Variants in ANO2 observed in about 807,000 individuals in gnomAD.
ANO2 encodes the protein anoctamin 2.
In ANO2, 101 loss-of-function variants were observed where a neutral mutation model predicts 124.2. The observed-to-expected ratio is 0.81, with a 90% CI of 0.69 to 0.96. ANO2 has a LOEUF of 0.96. Ranked by LOEUF, ANO2 falls within the 40% of genes least tolerant of loss-of-function variation. ANO2 has a pLI of 0.00. For synonymous variants in ANO2, 486 were observed against 482.5 expected (o/e 1.01, Z -0.09); for missense variants, 1,293 against 1,274.5 (o/e 1.01, Z -0.22).
intron 1 of ANO2, among the ~76,000 whole-genome samples, chr12:5,931,363 C>T (rs1221511328): frequency 1.3e-5 from 2 of 152,152 alleles, no homozygotes; most frequent in Non-Finnish European, 2.9e-5. Context: ...TTTCACATCT[C>T]TGTTCATTCA....
chr12:5,752,127 A>G (rs1253475924), intron 10 of ANO2, among the ~76,000 whole-genome samples: 1 of 152,208 alleles, frequency 6.6e-6, no homozygotes, highest in African/African-American at 2.4e-5. Flanking sequence ...CTGTCAATGG[A>G]TGCTTGGGTG....
chr12:5,857,772 TGATAGATAGATA>T (rs59071869), intron 3 of ANO2, among the ~76,000 whole-genome samples: 3,557 of 148,398 alleles, frequency 0.024, 136 homozygotes, highest in African/African-American at 0.077. Flanking sequence ...AAAAGAAATG[TGATAGATAGATA>T]GATAGATAGA....
intron 7 of ANO2, among the ~76,000 whole-genome samples, chr12:5,823,036 C>G (rs1282668630): frequency 6.6e-5 from 10 of 152,144 alleles, no homozygotes; most frequent in Admixed American, 6.5e-4. Flanking sequence ...AATTACCCAC[C>G]CTGTGTCCCT....
chr12:5,733,546 G>A (rs1950732919), intron 13 of ANO2, among the ~76,000 whole-genome samples: 1 of 152,192 alleles, frequency 6.6e-6, no homozygotes, highest in African/African-American at 2.4e-5. Flanking sequence ...CTCACAATGG[G>A]CTCTGCCATT....
At chr12:5,858,378 C>G (rs949882997) in intron 3 of ANO2, among the ~76,000 whole-genome samples, 1 of 151,930 alleles carries the variant, frequency 6.6e-6, no homozygotes, top group African/African-American at 2.4e-5. Flanking sequence ...CTGAAAACAA[C>G]CAAAATTAAT....
At chr12:5,846,557 T>A (rs2137241920) in intron 4 of ANO2, among the ~76,000 whole-genome samples, 1 of 152,286 alleles carries the variant, frequency 6.6e-6, no homozygotes, top group East Asian at 1.9e-4. Flanking sequence ...TATCACAACA[T>A]AAATTTATTC....
At chr12:5,763,346 G>A (rs770306586) in intron 10 of ANO2, among the ~76,000 whole-genome samples, 4 of 151,888 alleles carry the variant, frequency 2.6e-5, no homozygotes, top group Non-Finnish European at 2.9e-5. Flanking sequence ...ATATGTCTTC[G>A]CATAATGCTA....
intron 23 of ANO2, among the ~76,000 whole-genome samples, chr12:5,571,743 C>T (rs979954658): frequency 1.3e-4 from 20 of 151,898 alleles, no homozygotes; most frequent in East Asian, 5.8e-4. Context: ...TATATGTATA[C>T]GGAATTATCT....
chr12:5,568,522 C>T (rs1345391387), intron 23 of ANO2, among the ~76,000 whole-genome samples: 1 of 152,154 alleles, frequency 6.6e-6, no homozygotes, highest in Admixed American at 6.5e-5. Flanking sequence ...AGGTAAATGA[C>T]TCGTTGTTTA....
chr12:5,689,411 G>C (rs1948840311), intron 14 of ANO2, among the ~76,000 whole-genome samples: 1 of 152,110 alleles, frequency 6.6e-6, no homozygotes, highest in African/African-American at 2.4e-5. Flanking sequence ...TTTTATGGGA[G>C]GCATAAATTG....
chr12:5,739,614 C>CACACACACAA (rs1555153161), intron 12 of ANO2, among the ~76,000 whole-genome samples: 22 of 151,854 alleles, frequency 1.4e-4, no homozygotes, highest in Admixed American at 1.2e-3. Context: ...CACACACACA[C>CACACACACAA]ACACACACAC....
chr12:5,945,147 C>T (rs1444339186), intron 1 of ANO2, 49 bp downstream of exon 1: 1 of 1,283,810 alleles, frequency 7.8e-7, no homozygotes, highest in Non-Finnish European at 1.0e-6. Context: ...CACTCCCTCC[C>T]TCCTACCACC....
intron 10 of ANO2, among the ~76,000 whole-genome samples, chr12:5,758,741 A>G (rs1157946742): frequency 6.6e-6 from 1 of 152,190 alleles, no homozygotes; most frequent in East Asian, 1.9e-4. Flanking sequence ...TCTCCTCACT[A>G]CTGACCTGAT....
intron 10 of ANO2, among the ~76,000 whole-genome samples, chr12:5,785,515 C>A (rs759262714): frequency 7.9e-5 from 12 of 152,172 alleles, no homozygotes; most frequent in Non-Finnish European, 1.6e-4. Context: ...TTAAATTCAT[C>A]ACTCACTGTC....
chr12:5,787,983 T>C lies in ANO2; in HGVS notation c.1055+11524A>G, dbSNP rs146121905. On this transcript the variant is annotated intron_variant, in intron 10 of 24. Transcript: ENST00000682330. This position sits in a 1 kb window ranked among gnomAD's most constrained non-coding sequence, Gnocchi z 4.2. ...ATTTGTCAGTAAATACTAACTCCTA[T>C]GCTAGCCTTCCCAGCTCCATGGATT... Among the ~76,000 whole-genome samples the C allele has an allele frequency of 3.6e-3, 547 of 152,336 alleles. 3 individuals carry two copies. The highest frequency in any genetic ancestry group is 0.012 in the African/African-American group (510 of 41,574).
intron 23 of ANO2, among the ~76,000 whole-genome samples, chr12:5,567,291 A>G (rs1321802930): frequency 6.6e-6 from 1 of 152,206 alleles, no homozygotes; most frequent in Non-Finnish European, 1.5e-5. Context: ...CTGAGGACAG[A>G]AACATGGCCA....
chr12:5,784,762 C>T (rs1263917766), intron 10 of ANO2, among the ~76,000 whole-genome samples: 1 of 152,206 alleles, frequency 6.6e-6, no homozygotes, highest in Non-Finnish European at 1.5e-5. Context: ...AGGAGCCACA[C>T]TCCCCAGACG....
chr12:5,575,854 G>A lies in ANO2; in HGVS notation c.2601C>T (p.Asp867=), dbSNP rs189268715. 44 of 1,613,730 alleles carry A rather than the reference G, an allele frequency of 2.7e-5. No homozygotes were observed. In the South Asian group the frequency reaches 4.6e-4, roughly 17 times the overall value. Residue 867 remains aspartate, a synonymous_variant, in exon 23 of 25, where the codon GAC becomes GAT. Coordinates refer to ENST00000682330, the MANE Select transcript of ANO2 (RefSeq NM_001364791.2). The part of the protein sequence containing the change: ...EGTQPENSQF[D]QEVQFCRFKD... ...TTTACCTGCAGAACTGAACCTCCTG[G>A]TCAAACTGTGAGTTTTCTGGCTGCG...
chr12:5,696,875 T>C (rs1357889514), intron 14 of ANO2, among the ~76,000 whole-genome samples: 2 of 152,374 alleles, frequency 1.3e-5, no homozygotes, highest in Middle Eastern at 6.8e-3. Flanking sequence ...CATGATTATT[T>C]AAATTGATGC....
Sources: allele counts gnomAD v4.1 joint callset (sites outside exome capture counted in the v4.1 genomes callset), GRCh38; gene constraint gnomAD v4.1.1; non-coding constraint Gnocchi (gnomAD v3.1); transcripts MANE v1.5; gene names NCBI Gene and HGNC (gene_info 2026-07-23, HGNC 2026-07-21).